Variants in SLC7A14 observed in about 807,000 individuals in gnomAD.
The protein encoded by SLC7A14 is gamma-aminobutyric acid transporter SLC7A14.
Under a neutral mutation model 60.2 loss-of-function variants are expected in SLC7A14, and 37 were observed. The observed-to-expected ratio is 0.61, with a 90% CI of 0.47 to 0.81. The LOEUF is 0.81. SLC7A14 is among the 30% of genes least tolerant of loss of function. SLC7A14 has a pLI of 0.00. For missense variants in SLC7A14, 886 were observed against 982.7 expected, an observed-to-expected ratio of 0.90 and a Z score of 1.32; for synonymous variants, 399 against 395.8, an observed-to-expected ratio of 1.01 and a Z score of -0.10.
At chr3:170,482,511 C>G (rs1711866338) in intron 6 of SLC7A14, among the ~76,000 whole-genome samples, 1 of 152,228 alleles carries the variant, frequency 6.6e-6, no homozygotes, top group Non-Finnish European at 1.5e-5. Flanking sequence ...TTGCTTTGTG[C>G]ACTTGAAGAA....
chr3:170,547,403 T>A (rs2422039), intron 1 of SLC7A14, among the ~76,000 whole-genome samples: 50,576 of 152,086 alleles, frequency 0.33, 8,638 homozygotes, highest in East Asian at 0.45. Flanking sequence ...ACTTAACTAC[T>A]AATAGCCTAC....
At chr3:170,560,871 G>A (rs1054369662) in intron 1 of SLC7A14, among the ~76,000 whole-genome samples, 1 of 152,128 alleles carries the variant, frequency 6.6e-6, no homozygotes, top group East Asian at 1.9e-4. Flanking sequence ...CTTTAACCAC[G>A]TGTCTTATAG....
intron 2 of SLC7A14, among the ~76,000 whole-genome samples, chr3:170,505,032 A>T (rs569947458): frequency 1.3e-5 from 2 of 152,302 alleles, no homozygotes; most frequent in South Asian, 4.1e-4. Context: ...GTGGACATTC[A>T]TTTAAGTACA....
At chr3:170,527,498 C>G (rs1438123108) in intron 1 of SLC7A14, among the ~76,000 whole-genome samples, 1 of 152,162 alleles carries the variant, frequency 6.6e-6, no homozygotes, top group Non-Finnish European at 1.5e-5. Flanking sequence ...CATCTCAACT[C>G]TAACTACCTC....
At chr3:170,481,385 ATTTCTTT>A (rs1483068892) in intron 6 of SLC7A14, among the ~76,000 whole-genome samples, 2 of 121,376 alleles carry the variant, frequency 1.6e-5, no homozygotes, top group African/African-American at 6.1e-5. Context: ...TAAATCTTTG[ATTTCTTT>A]TTTTTTTTTT....
At chr3:170,479,261 C>T (rs1329179665) in intron 7 of SLC7A14, among the ~76,000 whole-genome samples, 1 of 152,184 alleles carries the variant, frequency 6.6e-6, no homozygotes, top group East Asian at 1.9e-4. Context: ...CTTCTATTCC[C>T]CAGAGCTTCT....
At chr3:170,496,772 C>A in intron 4 of SLC7A14, 1 of 723,704 alleles carries the variant, frequency 1.4e-6, no homozygotes, top group Non-Finnish European at 2.5e-6. Context: ...GGCTCTGTCG[C>A]GGGCTCCAGC....
intron 7 of SLC7A14, among the ~76,000 whole-genome samples, chr3:170,470,030 T>C (rs1338912030): frequency 6.6e-6 from 1 of 152,096 alleles, no homozygotes; most frequent in Non-Finnish European, 1.5e-5. Context: ...GTCATAGATA[T>C]TTAGAGCTGG....
intron 1 of SLC7A14, among the ~76,000 whole-genome samples, chr3:170,565,795 T>A (rs1315442617): frequency 6.6e-6 from 1 of 151,932 alleles, no homozygotes; most frequent in African/African-American, 2.4e-5. Context: ...AATGACCCCT[T>A]CCCTGCTATT....
intron 2 of SLC7A14, among the ~76,000 whole-genome samples, chr3:170,507,423 A>T (rs986807707): frequency 4.6e-5 from 7 of 152,160 alleles, no homozygotes; most frequent in Admixed American, 1.3e-4. Context: ...CAGTGCGGTG[A>T]GCGTGGTTCT....
Position 170,495,664 on chromosome 3 carries a change from C to T in SLC7A14, c.759+3003G>A. Reference sequence around the variant, plus strand: ...ACGTTCAACCAGAGCCTGCTGAGCCCTGTTAACCTGGAGGTAGATCCCAAT... The same window carrying T: ...ACGTTCAACCAGAGCCTGCTGAGCCTTGTTAACCTGGAGGTAGATCCCAAT... On this transcript the variant is annotated intron_variant, in intron 4 of 7. Coordinates refer to ENST00000231706, the MANE Select transcript of SLC7A14 (RefSeq NM_020949.3). 4.7e-6 allele frequency: 4 copies of T among 858,202 alleles called. No individual in the cohort carries two copies. In the South Asian group the frequency reaches 5.3e-5, roughly 11 times the overall value. The allele number at this position is 858,202 out of a possible 1,614,324, so 53.2% of individuals were successfully genotyped here.
intron 1 of SLC7A14, among the ~76,000 whole-genome samples, chr3:170,549,832 A>C (rs750359561): frequency 3.3e-5 from 5 of 152,218 alleles, no homozygotes; most frequent in Non-Finnish European, 7.3e-5. Flanking sequence ...CCATGGAGGC[A>C]TGGGGAAACT....
intron 1 of SLC7A14, among the ~76,000 whole-genome samples, chr3:170,582,217 A>G (rs1176023543): frequency 6.6e-6 from 1 of 152,110 alleles, no homozygotes; most frequent in Non-Finnish European, 1.5e-5. Context: ...AGAAGATTCA[A>G]AGAAGAGTAG....
At chr3:170,494,284 G>A (rs59323461) in intron 4 of SLC7A14, among the ~76,000 whole-genome samples, 4,844 of 152,314 alleles carry the variant, frequency 0.032, 264 homozygotes, top group African/African-American at 0.11. Flanking sequence ...GAAAGAGTTT[G>A]TCACAAAGAA....
At position 170,459,905 on chromosome 3, in the gene SLC7A14, A is replaced by T. The variant is rs1314164558; in HGVS notation, c.*7150T>A. ...TAAACCCATTTTTAAATTTAAAGGC[A>T]CACAATAAAGCTTTATGCATTTATT... is the stretch of plus-strand genomic sequence containing the variant. On this transcript the variant is annotated 3_prime_UTR_variant, in exon 8 of 8. Coordinates refer to ENST00000231706, the MANE Select transcript of SLC7A14 (RefSeq NM_020949.3). The T allele has an allele frequency of 6.6e-6, 1 of 152,238 alleles. No individual in the cohort carries two copies. The highest frequency in any genetic ancestry group is 1.5e-5 in the Non-Finnish European group (1 of 68,034). 9.4% of individuals were successfully genotyped at this position (152,238 alleles called of 1,614,324 possible). A position where few individuals can be genotyped will look rare whatever the true frequency, so the allele number is the denominator to read the frequency against.
chr3:170,492,020 C>T (rs545952777), intron 4 of SLC7A14, among the ~76,000 whole-genome samples: 1 of 152,280 alleles, frequency 6.6e-6, no homozygotes, highest in South Asian at 2.1e-4. Flanking sequence ...AGCTTTTCTT[C>T]CTTGCAAGCA....
chr3:170,481,240 C>T, intron 6 of SLC7A14, 74 bp from the exon 7 acceptor site: 2 of 1,466,880 alleles, frequency 1.4e-6, no homozygotes. Context: ...ACATAGGGAG[C>T]TAGAACTATC....
At chr3:170,543,260 A>G (rs1271353401) in intron 1 of SLC7A14, among the ~76,000 whole-genome samples, 1 of 152,150 alleles carries the variant, frequency 6.6e-6, no homozygotes, top group Non-Finnish European at 1.5e-5. Flanking sequence ...AGAGAGGGCC[A>G]AGATGCCTAG....
At position 170,501,136 on chromosome 3, in the gene SLC7A14, C is replaced by T; in HGVS notation, c.514G>A (p.Asp172Asn). The change falls in exon 3 of 8, where the codon GAC becomes AAC. Residue 172 changes from aspartate to asparagine, a missense_variant. Asp to Asn is a conservative substitution (Grantham distance 23, BLOSUM62 1). Coordinates refer to ENST00000231706, the MANE Select transcript of SLC7A14 (RefSeq NM_020949.3). The stretch of plus-strand genomic sequence containing the variant: ...AGGCCATTGAGGGTTCCCACGCTGT[C>T]CGCCATCCAGCGGCTGATGGTGTGG... ...ANHTISRWMA[D>N]SVGTLNGLGK... is the part of the protein sequence containing the mutation. 30 of 1,614,224 alleles carry T rather than the reference C, an allele frequency of 1.9e-5. No individual in the cohort carries two copies. The highest frequency in any genetic ancestry group is 2.5e-5 in the Non-Finnish European group (29 of 1,180,052).
Sources: gnomAD v4.1 joint callset for allele counts (sites outside exome capture counted in the v4.1 genomes callset) on GRCh38, gnomAD v4.1.1 for gene constraint, MANE v1.5 for transcripts, NCBI Gene and HGNC (gene_info 2026-07-23, HGNC 2026-07-21) for gene names.